C3orf70: variants seen among roughly 807,000 people sequenced by gnomAD.
C3orf70 encodes the protein chromosome 3 open reading frame 70, also known as UPF0524 protein C3orf70.
C3orf70 carries 15 observed loss-of-function variants against 20.7 expected under a neutral mutation model. That is an observed-to-expected ratio of 0.72 (90% CI 0.48 to 1.11). The LOEUF is 1.11. C3orf70 is among the 50% of genes most tolerant of loss of function. The probability of loss-of-function intolerance (pLI) is 0.00; values close to 1 mark genes in which losing one functional copy is unlikely to be tolerated. For synonymous variants in C3orf70, 161 were observed against 125.7 expected, an observed-to-expected ratio of 1.28 and a Z score of -1.88; for missense variants, 332 against 317.6, an observed-to-expected ratio of 1.05 and a Z score of -0.34.
chr3:185,132,626 T>C (rs752231798), intron 1 of C3orf70, among the ~76,000 whole-genome samples: 4 of 151,986 alleles, frequency 2.6e-5, no homozygotes, highest in Non-Finnish European at 5.9e-5. Flanking sequence ...AAAAAATGAA[T>C]GACAAAGTGA....
intron 1 of C3orf70, among the ~76,000 whole-genome samples, chr3:185,144,280 G>C (rs1204790421): frequency 3.3e-5 from 5 of 152,098 alleles, no homozygotes; most frequent in African/African-American, 1.2e-4. Context: ...GACGGGTTAA[G>C]TAACTTCCCC....
At chr3:185,119,432 C>G (rs564806022) in intron 1 of C3orf70, among the ~76,000 whole-genome samples, 3 of 152,092 alleles carry the variant, frequency 2.0e-5, no homozygotes, top group South Asian at 4.2e-4. Flanking sequence ...GTGGGCAGAT[C>G]ACGAAGTCAG....
chr3:185,083,216 A>C lies in C3orf70; in HGVS notation c.544T>G (p.Ser182Ala). 1 of 1,614,168 alleles carries C rather than the reference A, an allele frequency of 6.2e-7. No homozygotes were observed. Among genetic ancestry groups the C allele is most frequent in the Non-Finnish European group, 8.5e-7 (1 of 1,180,026 alleles). Reference protein sequence around the residue: ...ESNTPKIDHCSSPSSSEDSGI... With the variant: ...ESNTPKIDHCASPSSSEDSGI... The stretch of plus-strand genomic sequence containing the variant: ...GAGTCCTCAGAACTTGAGGGAGAAG[A>C]GCAGTGATCTATTTTTGGTGTATTG... The change falls in exon 2 of 2, where the codon TCT (serine) becomes GCT (alanine). Residue 182 changes from serine to alanine, a missense_variant. Coordinates refer to ENST00000335012, the MANE Select transcript of C3orf70 (RefSeq NM_001025266.3).
At position 185,102,786 on chromosome 3, in the gene C3orf70, A is replaced by G. The variant is rs187502545; in HGVS notation, c.197-19223T>C. ...AACTATCTAATCTTCTACAAAGTTG[A>G]TAAAAACAAGCAATGGGGAAAGGAA... On this transcript the variant is annotated intron_variant, in intron 1 of 1. Coordinates refer to ENST00000335012, the MANE Select transcript of C3orf70 (RefSeq NM_001025266.3). Among the ~76,000 whole-genome samples, 4 of 152,356 alleles carry G rather than the reference A, an allele frequency of 2.6e-5. No individual in the cohort carries two copies. The East Asian group carries it at 7.7e-4, about 29-fold the overall frequency.
chr3:185,087,744 G>A (rs986200966), intron 1 of C3orf70, among the ~76,000 whole-genome samples: 2 of 149,456 alleles, frequency 1.3e-5, no homozygotes, highest in Non-Finnish European at 2.9e-5. Flanking sequence ...TGGTAGTGAT[G>A]GTTGCACAAT....
At chr3:185,142,799 G>A (rs1441178808) in intron 1 of C3orf70, among the ~76,000 whole-genome samples, 1 of 152,204 alleles carries the variant, frequency 6.6e-6, no homozygotes, top group Non-Finnish European at 1.5e-5. Flanking sequence ...GATGCTGTGA[G>A]AAGGGCACAA....
intron 1 of C3orf70, among the ~76,000 whole-genome samples, chr3:185,087,517 A>C (rs1180681950): frequency 5.3e-5 from 8 of 152,352 alleles, no homozygotes; most frequent in Middle Eastern, 3.4e-3. Context: ...TGCTACAACT[A>C]GATGAACCTT....
At chr3:185,094,283 G>A (rs988058885) in intron 1 of C3orf70, among the ~76,000 whole-genome samples, 1 of 151,936 alleles carries the variant, frequency 6.6e-6, no homozygotes, top group African/African-American at 2.4e-5. Context: ...CACCAGGTTG[G>A]CCAGGATGGT....
chr3:185,140,471 T>C (rs945321986), intron 1 of C3orf70, among the ~76,000 whole-genome samples: 1 of 152,060 alleles, frequency 6.6e-6, no homozygotes, highest in Non-Finnish European at 1.5e-5. Context: ...AGCCATTAGG[T>C]GAATGCAAAT....
chr3:185,121,654 T>C (rs1484163439), intron 1 of C3orf70, among the ~76,000 whole-genome samples: 5 of 152,014 alleles, frequency 3.3e-5, no homozygotes, highest in African/African-American at 4.8e-5. Context: ...AGAGAGAGTG[T>C]AATGAGACAT....
At chr3:185,139,029 G>A (rs1051285173) in intron 1 of C3orf70, among the ~76,000 whole-genome samples, 1 of 152,048 alleles carries the variant, frequency 6.6e-6, no homozygotes, top group Non-Finnish European at 1.5e-5. Context: ...TTGAGCCCAG[G>A]AGGTAGAGGC....
intron 1 of C3orf70, among the ~76,000 whole-genome samples, chr3:185,110,259 TAAAG>T (rs756801626): frequency 1.2e-4 from 19 of 152,210 alleles, no homozygotes; most frequent in Non-Finnish European, 2.8e-4. Flanking sequence ...ATTGCAAAAT[TAAAG>T]AACAAATATT....
intron 1 of C3orf70, among the ~76,000 whole-genome samples, chr3:185,089,047 T>C (rs1227946184): frequency 5.3e-5 from 8 of 152,206 alleles, no homozygotes; most frequent in African/African-American, 1.7e-4. Flanking sequence ...AAAATAACTC[T>C]AAGAGATTCT....
At chr3:185,149,662 G>T (rs1282568758) in intron 1 of C3orf70, among the ~76,000 whole-genome samples, 2 of 152,112 alleles carry the variant, frequency 1.3e-5, no homozygotes, top group African/African-American at 4.8e-5. Flanking sequence ...TGCTTATTTT[G>T]GGCTAAAAAG....
At chr3:185,096,248 A>G (rs1263293345) in intron 1 of C3orf70, among the ~76,000 whole-genome samples, 2 of 152,218 alleles carry the variant, frequency 1.3e-5, no homozygotes, top group African/African-American at 2.4e-5. Context: ...TAGGGGAAGT[A>G]ATGAGTTTAA....
chr3:185,110,903 T>C (rs1189424075), intron 1 of C3orf70, among the ~76,000 whole-genome samples: 1 of 152,242 alleles, frequency 6.6e-6, no homozygotes, highest in East Asian at 1.9e-4. Context: ...TTAATAAATA[T>C]GTGTGTAAAT....
At chr3:185,107,076 C>G (rs544537058) in intron 1 of C3orf70, among the ~76,000 whole-genome samples, 10 of 152,106 alleles carry the variant, frequency 6.6e-5, no homozygotes, top group African/African-American at 1.7e-4. Context: ...TAATAAACAC[C>G]CTACCTGTGA....
intron 1 of C3orf70, among the ~76,000 whole-genome samples, chr3:185,105,483 T>A (rs1350901609): frequency 6.6e-6 from 1 of 152,260 alleles, no homozygotes; most frequent in Non-Finnish European, 1.5e-5. Flanking sequence ...ATTCGGCCCA[T>A]CCCTTCATTT....
intron 1 of C3orf70, among the ~76,000 whole-genome samples, chr3:185,098,000 T>G (rs149271438): frequency 1.5e-3 from 235 of 152,296 alleles, no homozygotes; most frequent in African/African-American, 5.2e-3. Flanking sequence ...CAAATAAGAT[T>G]TCCATGCATG....
Sources: allele counts gnomAD v4.1 joint callset (sites outside exome capture counted in the v4.1 genomes callset), GRCh38; gene constraint gnomAD v4.1.1; transcripts MANE v1.5; gene names NCBI Gene and HGNC (gene_info 2026-07-23, HGNC 2026-07-21).